The following AUTS2 variants were observed in gnomAD, a reference collection of about 807,000 sequenced individuals.
AUTS2 encodes the protein autism susceptibility gene 2 protein.
A neutral mutation model predicts 112.4 loss-of-function variants in AUTS2; 17 were observed. That is an observed-to-expected ratio of 0.15 (90% CI 0.10 to 0.23). The LOEUF (loss-of-function observed/expected upper bound fraction) is 0.23. Among genes scored for constraint, AUTS2 ranks in the 10% least tolerant of loss-of-function variants. The probability of loss-of-function intolerance (pLI) is 1.00; values close to 1 mark genes in which losing one functional copy is unlikely to be tolerated. For missense variants in AUTS2, 1,510 were observed against 1,701.6 expected (o/e 0.89, Z 1.98); for synonymous variants, 751 against 702.7 (o/e 1.07, Z -1.09).
chr7:69,675,988 A>T (rs188460183), intron 1 of AUTS2, among the ~76,000 whole-genome samples: 1 of 152,174 alleles, frequency 6.6e-6, no homozygotes, highest in Non-Finnish European at 1.5e-5. Context: ...AGAAGGTATT[A>T]TATTGGTAAG....
chr7:70,355,883 G>T (rs562905037), intron 4 of AUTS2, among the ~76,000 whole-genome samples: 2 of 152,126 alleles, frequency 1.3e-5, no homozygotes, highest in African/African-American at 4.8e-5. Flanking sequence ...CACTGTAATT[G>T]CTTTACATCT....
chr7:70,527,005 T>C (rs930831409), intron 5 of AUTS2, among the ~76,000 whole-genome samples: 8 of 152,234 alleles, frequency 5.3e-5, no homozygotes, highest in Non-Finnish European at 8.8e-5. Context: ...TTTCATGCTT[T>C]TCAAAATATT....
intron 4 of AUTS2, among the ~76,000 whole-genome samples, chr7:70,309,211 A>G (rs1789624428): frequency 6.6e-6 from 1 of 152,204 alleles, no homozygotes; most frequent in Non-Finnish European, 1.5e-5. Context: ...TTGTCTTATA[A>G]CATTATACTA....
intron 5 of AUTS2, among the ~76,000 whole-genome samples, chr7:70,519,755 A>G (rs1409979158): frequency 6.6e-6 from 1 of 152,158 alleles, no homozygotes; most frequent in Non-Finnish European, 1.5e-5. Context: ...AGGACACACA[A>G]AGTTAGTGAC....
chr7:69,602,431 C>T lies in AUTS2; in HGVS notation c.309+2469C>T, dbSNP rs551604971. On this transcript the variant is annotated intron_variant, in intron 1 of 18. Coordinates refer to ENST00000342771, the MANE Select transcript of AUTS2 (RefSeq NM_015570.4). ...AAGGTCTAACTTTTAAAAAAGTTTA[C>T]TTAAAATTCTGTAGAAAAAATTAAA... 2.8e-4 allele frequency among the ~76,000 whole-genome samples: 43 copies of T among 152,238 alleles called. 2 individuals carry two copies. The South Asian group carries it at 8.5e-3, about 30-fold the overall frequency.
rs1366054174 is a variant in AUTS2 at position 69,899,179 on chromosome 7, C to T, written c.310-107C>T. 3 of 798,306 alleles carry T rather than the reference C, an allele frequency of 3.8e-6. No homozygotes were observed. In the Admixed American group the frequency reaches 7.3e-5, roughly 19 times the overall value. The allele number at this position is 798,306 out of a possible 1,614,324, so 49.5% of individuals were successfully genotyped here. Reference sequence around the variant, plus strand: ...CTTCTCATATCCCACTTTCCTATCCCTCTCCCACTTAGTAGTAACACCCTT... The same window carrying T: ...CTTCTCATATCCCACTTTCCTATCCTTCTCCCACTTAGTAGTAACACCCTT... On this transcript the variant is annotated intron_variant, in intron 1 of 18. Coordinates refer to ENST00000342771, the MANE Select transcript of AUTS2 (RefSeq NM_015570.4).
intron 1 of AUTS2, among the ~76,000 whole-genome samples, chr7:69,808,215 C>T (rs1001216232): frequency 4.6e-5 from 7 of 152,134 alleles, no homozygotes; most frequent in East Asian, 1.9e-4. Context: ...TGTGAGCCAC[C>T]GCACTCCGGC....
intron 5 of AUTS2, chr7:70,437,110 TG>T (rs1435439533): frequency 2.0e-5 from 3 of 152,218 alleles, no homozygotes; most frequent in Non-Finnish European, 4.4e-5. Flanking sequence ...TTAAACAAAG[TG>T]ACCTATGGAA....
chr7:70,684,133 G>GA (rs1237556140), intron 5 of AUTS2, among the ~76,000 whole-genome samples: 1 of 148,894 alleles, frequency 6.7e-6, no homozygotes, highest in African/African-American at 2.5e-5. Flanking sequence ...ATAAGGCTAG[G>GA]GAAAAAAAAA....
chr7:69,730,376 C>T (rs1443730581), intron 1 of AUTS2, among the ~76,000 whole-genome samples: 1 of 152,080 alleles, frequency 6.6e-6, no homozygotes, highest in Non-Finnish European at 1.5e-5. Context: ...GATCTAACAT[C>T]AATTCTGTCC....
chr7:70,340,836 C>G (rs1233267069), intron 4 of AUTS2, among the ~76,000 whole-genome samples: 1 of 152,194 alleles, frequency 6.6e-6, no homozygotes, highest in Non-Finnish European at 1.5e-5. Context: ...TGGCGCCTGC[C>G]AAGGGGACTG....
At chr7:70,257,182 C>T (rs139718389) in intron 4 of AUTS2, among the ~76,000 whole-genome samples, 2 of 152,222 alleles carry the variant, frequency 1.3e-5, no homozygotes, top group South Asian at 2.1e-4. Flanking sequence ...ACTCTATTAC[C>T]CAGGCTGGAG....
At chr7:70,181,793 TAAC>T (rs1809321572) in intron 4 of AUTS2, among the ~76,000 whole-genome samples, 2 of 138,464 alleles carry the variant, frequency 1.4e-5, no homozygotes, top group Non-Finnish European at 3.1e-5. Flanking sequence ...CCAGCTGAGC[TAAC>T]TTTTTTTTTT....
rs148168952 is a variant in AUTS2, at chr7:70,087,431, G to A, written c.523-30701G>A. On this transcript the variant is annotated intron_variant, in intron 2 of 18. Coordinates refer to ENST00000342771, the MANE Select transcript of AUTS2 (RefSeq NM_015570.4). ...GTAGCCCAGTCTGGAGTGCAATGGCGTGATCTCGGCTCACTGCAACCTCCA... is the reference window on the plus strand; with the variant it reads ...GTAGCCCAGTCTGGAGTGCAATGGCATGATCTCGGCTCACTGCAACCTCCA... Among the ~76,000 whole-genome samples the A allele has an allele frequency of 5.1e-3, 759 of 149,790 alleles. 13 individuals are homozygous for A. The highest frequency in any genetic ancestry group is 0.017 in the African/African-American group (703 of 40,684).
intron 5 of AUTS2, among the ~76,000 whole-genome samples, chr7:70,442,759 A>G (rs952238445): frequency 6.6e-6 from 1 of 152,136 alleles, no homozygotes. Flanking sequence ...AAGTGTTGGG[A>G]TGACAGTCAT....
At chr7:70,681,413 G>A (rs1233261556) in intron 5 of AUTS2, among the ~76,000 whole-genome samples, 2 of 152,168 alleles carry the variant, frequency 1.3e-5, no homozygotes, top group Non-Finnish European at 2.9e-5. Flanking sequence ...AGAATCAGAG[G>A]AGAGGCTTGG....
At chr7:69,661,210 A>G (rs754099989) in intron 1 of AUTS2, among the ~76,000 whole-genome samples, 9 of 152,240 alleles carry the variant, frequency 5.9e-5, no homozygotes, top group Non-Finnish European at 1.2e-4. Flanking sequence ...TGTGAGGGAC[A>G]AAGATTCAGA....
At chr7:69,679,489 A>G (rs554793243) in intron 1 of AUTS2, among the ~76,000 whole-genome samples, 5 of 152,358 alleles carry the variant, frequency 3.3e-5, no homozygotes, top group African/African-American at 9.6e-5. Flanking sequence ...TAGCTATTGC[A>G]TTTTAAAATT....
At chr7:70,391,116 A>G (rs1307534091) in intron 4 of AUTS2, among the ~76,000 whole-genome samples, 2 of 152,276 alleles carry the variant, frequency 1.3e-5, no homozygotes, top group South Asian at 2.1e-4. Flanking sequence ...TTGTATCTGA[A>G]TCTCTGGGGG....
Sources: gnomAD v4.1 joint callset for allele counts (sites outside exome capture counted in the v4.1 genomes callset) on GRCh38, gnomAD v4.1.1 for gene constraint, MANE v1.5 for transcripts, NCBI Gene and HGNC (gene_info 2026-07-23, HGNC 2026-07-21) for gene names.